Variants in PARD3 observed in about 807,000 individuals in gnomAD.
PARD3 encodes the protein par-3 family cell polarity regulator.
A neutral mutation model predicts 155.4 loss-of-function variants in PARD3; 75 were observed. The ratio of observed to expected loss-of-function variants is 0.48; its 90% CI spans 0.40 to 0.58. The LOEUF is 0.58. Ranked by LOEUF, PARD3 falls within the 20% of genes least tolerant of loss-of-function variation. The probability of loss-of-function intolerance (pLI) is 0.00; values close to 1 mark genes in which losing one functional copy is unlikely to be tolerated. For missense variants in PARD3, 1,642 were observed against 1,721.7 expected (o/e 0.95, Z 0.82); for synonymous variants, 576 against 610.5 (o/e 0.94, Z 0.83).
intron 5 of PARD3, among the ~76,000 whole-genome samples, chr10:34,410,721 TA>T (rs960016035): frequency 1.8e-4 from 27 of 152,368 alleles, no homozygotes; most frequent in African/African-American, 6.5e-4. Context: ...GCATGTCTTA[TA>T]AACAGAGGCA....
intron 1 of PARD3, among the ~76,000 whole-genome samples, chr10:34,707,190 A>G (rs908182353): frequency 3.3e-5 from 5 of 151,908 alleles, no homozygotes; most frequent in African/African-American, 1.2e-4. Context: ...AGGCTGCAGT[A>G]AGCAGTGGCG....
chr10:34,382,102 AC>A (rs1841922786), intron 9 of PARD3, among the ~76,000 whole-genome samples: 3 of 152,186 alleles, frequency 2.0e-5, no homozygotes, highest in South Asian at 4.2e-4. Context: ...CACATCAAAT[AC>A]TGAGATTGAC....
intron 3 of PARD3, among the ~76,000 whole-genome samples, chr10:34,505,297 AGGT>A (rs2133475388): frequency 6.6e-6 from 1 of 152,344 alleles, no homozygotes; most frequent in South Asian, 2.1e-4. Flanking sequence ...TCTCATGCAA[AGGT>A]AACAGTACCA....
intron 22 of PARD3, among the ~76,000 whole-genome samples, chr10:34,173,408 T>TTTGG (rs1319345730): frequency 1.3e-5 from 2 of 152,196 alleles, no homozygotes; most frequent in Admixed American, 6.5e-5. Context: ...AGGAATGAAC[T>TTTGG]TTGGGAGCTG....
At chr10:34,629,053 C>T (rs1020898726) in intron 2 of PARD3, among the ~76,000 whole-genome samples, 2 of 152,148 alleles carry the variant, frequency 1.3e-5, no homozygotes, top group Non-Finnish European at 2.9e-5. Context: ...TCCTTCACCA[C>T]GATCTCTATC....
intron 2 of PARD3, among the ~76,000 whole-genome samples, chr10:34,536,292 T>C (rs1024117068): frequency 6.6e-6 from 1 of 152,228 alleles, no homozygotes; most frequent in Non-Finnish European, 1.5e-5. Context: ...TGTTGTTATA[T>C]CTTCAAATCT....
At chr10:34,729,120 A>T (rs1299247231) in intron 1 of PARD3, among the ~76,000 whole-genome samples, 4 of 152,186 alleles carry the variant, frequency 2.6e-5, no homozygotes, top group African/African-American at 4.8e-5. Context: ...TCACCCTATG[A>T]TGCTCGCACA....
chr10:34,703,621 G>C (rs538427576), intron 1 of PARD3, among the ~76,000 whole-genome samples: 1 of 152,236 alleles, frequency 6.6e-6, no homozygotes, highest in African/African-American at 2.4e-5. Context: ...AATGACATAT[G>C]TTTCCACATT....
At chr10:34,664,819 C>A (rs1230976195) in intron 2 of PARD3, among the ~76,000 whole-genome samples, 1 of 152,148 alleles carries the variant, frequency 6.6e-6, no homozygotes, top group Non-Finnish European at 1.5e-5. Context: ...TTAGCAATTG[C>A]TACAGTCTGT....
At chr10:34,615,129 C>T (rs557624701) in intron 2 of PARD3, among the ~76,000 whole-genome samples, 1 of 152,186 alleles carries the variant, frequency 6.6e-6, no homozygotes, top group South Asian at 2.1e-4. Flanking sequence ...TGCAGTGAGC[C>T]GAGATGGCGC....
At chr10:34,569,410 C>T (rs977643671) in intron 2 of PARD3, among the ~76,000 whole-genome samples, 4 of 152,002 alleles carry the variant, frequency 2.6e-5, no homozygotes, top group East Asian at 1.9e-4. Flanking sequence ...CTGTGTTACA[C>T]GTGACTATAT....
chr10:34,722,640 A>G (rs1367205082), intron 1 of PARD3, among the ~76,000 whole-genome samples: 2 of 152,184 alleles, frequency 1.3e-5, no homozygotes, highest in Non-Finnish European at 2.9e-5. Context: ...CACTTGCCCC[A>G]CAATCTTCTT....
At position 34,337,337 on chromosome 10, in the gene PARD3, A is replaced by T; in HGVS notation, c.2498T>A (p.Phe833Tyr). ...QSMSEKRTKQ[F>Y]SDASQLDFVK... is the part of the protein sequence containing the mutation. ...GAAATCCAATTGACTGGCATCTGAA[A>T]ATTGCTTTGTGCGTTTTTCTGACAT... is the stretch of plus-strand genomic sequence containing the variant. The change falls in exon 17 of 25, where the codon TTT (phenylalanine) becomes TAT (tyrosine). Residue 833 changes from phenylalanine (F) to tyrosine (Y), a missense_variant. By Grantham distance (22) the Phe-to-Tyr change is conservative. Around this residue, in one of 3 missense-constraint regions of PARD3, gnomAD observed 1,529 missense variants for 1,587.3 expected, o/e 0.96. Transcript: ENST00000374788. The T allele has an allele frequency of 6.2e-7, 1 of 1,602,828 alleles. No individual in the cohort carries two copies. The highest frequency in any genetic ancestry group is 8.5e-7 in the Non-Finnish European group (1 of 1,174,800).
intron 1 of PARD3, among the ~76,000 whole-genome samples, chr10:34,719,639 A>G (rs2094573589): frequency 6.6e-6 from 1 of 152,206 alleles, no homozygotes; most frequent in Non-Finnish European, 1.5e-5. Flanking sequence ...TCATACAGCA[A>G]GCAGATTATT....
chr10:34,461,713 AATG>A (rs1468043133), intron 4 of PARD3, among the ~76,000 whole-genome samples: 9 of 152,250 alleles, frequency 5.9e-5, no homozygotes, highest in African/African-American at 2.2e-4. Flanking sequence ...TAATTTAATC[AATG>A]ATACTTCCTG....
intron 2 of PARD3, among the ~76,000 whole-genome samples, chr10:34,534,122 C>T (rs773328301): frequency 5.9e-5 from 9 of 151,738 alleles, no homozygotes; most frequent in South Asian, 2.1e-4. Context: ...AAAAATTAGC[C>T]GGGCATGGTG....
At chr10:34,286,676 G>C (rs1303222763) in intron 20 of PARD3, among the ~76,000 whole-genome samples, 3 of 152,242 alleles carry the variant, frequency 2.0e-5, no homozygotes, top group African/African-American at 4.8e-5. Flanking sequence ...AGCAGCATCA[G>C]GGGGCAGACC....
intron 2 of PARD3, among the ~76,000 whole-genome samples, chr10:34,641,052 T>C (rs1326085115): frequency 3.9e-5 from 6 of 152,144 alleles, no homozygotes. Context: ...TGTTTAAACA[T>C]TTACAATTTC....
intron 2 of PARD3, among the ~76,000 whole-genome samples, chr10:34,597,276 C>T (rs2089359960): frequency 2.0e-5 from 3 of 151,208 alleles, no homozygotes; most frequent in South Asian, 4.2e-4. Flanking sequence ...AATTTTAGCG[C>T]TTTTTTTTGT....
Sources: allele counts gnomAD v4.1 joint callset (sites outside exome capture counted in the v4.1 genomes callset), GRCh38; gene constraint gnomAD v4.1.1; regional missense constraint gnomAD v4.1.1; transcripts MANE v1.5; gene names NCBI Gene and HGNC (gene_info 2026-07-23, HGNC 2026-07-21).